Variants in DEFB110 observed in about 807,000 individuals in gnomAD.
The protein encoded by DEFB110 is defensin beta 110.
A neutral mutation model predicts 2.5 loss-of-function variants in DEFB110; 4 were observed. That is an observed-to-expected ratio of 1.60 (90% CI 0.79 to 3.66). The LOEUF is 3.66. Among genes scored for constraint, DEFB110 ranks in the 30% most tolerant of loss-of-function variants. DEFB110 has a pLI of 0.01. For synonymous variants in DEFB110, 29 were observed against 21.8 expected, an observed-to-expected ratio of 1.33 and a Z score of -0.92; for missense variants, 94 against 75.4, an observed-to-expected ratio of 1.25 and a Z score of -0.91.
downstream of DEFB110, among the ~76,000 whole-genome samples, chr6:50,017,850 A>T (rs1415752524): frequency 6.6e-6 from 1 of 151,882 alleles, no homozygotes; most frequent in Non-Finnish European, 1.5e-5. Context: ...AGCCCCTGGA[A>T]TTTTTTGATT....
At chr6:50,011,129 C>T (rs887181985) in intron 1 of DEFB110, among the ~76,000 whole-genome samples, 7 of 150,824 alleles carry the variant, frequency 4.6e-5, no homozygotes, top group Non-Finnish European at 7.4e-5. Flanking sequence ...AAATAACATC[C>T]CTTTGTATTG....
chr6:50,018,545 T>C (rs566585115), downstream of DEFB110, among the ~76,000 whole-genome samples: 53 of 152,060 alleles, frequency 3.5e-4, 1 homozygote, highest in African/African-American at 1.2e-3. Context: ...GCCCAGTGGA[T>C]TTATATATTT....
chr6:50,009,720 G>A lies in DEFB110; in HGVS notation c.56-449C>T, dbSNP rs182720684. Among the ~76,000 whole-genome samples the A allele has an allele frequency of 2.0e-4, 31 of 152,188 alleles. No individual in the cohort carries two copies. The East Asian group carries it at 5.4e-3, about 27-fold the overall frequency. Reference sequence around the variant, plus strand: ...ACAAATAGTAATCATAGAGAAACTAGAGAAGACTTCTAATGTACTAACTTC... The same window carrying A: ...ACAAATAGTAATCATAGAGAAACTAAAGAAGACTTCTAATGTACTAACTTC... On this transcript the variant is annotated intron_variant, in intron 1 of 1. Transcript: ENST00000393660.
Position 50,019,046 on chromosome 6 carries a change from C to T in DEFB110, c.135G>A (p.Gln45=). ...CAATCCTAATTTCATTTTCATGACA[C>T]TGATTTTTACATTGACCATTACCTA... ...CRIGNGQCKN[Q]CHENEIRIAY... is the part of the protein sequence containing the mutation. The change falls in exon 2 of 2, where the codon CAG becomes CAA. Residue 45 remains glutamine, a synonymous_variant. Transcript: ENST00000371148. The T allele has an allele frequency of 1.2e-6, 2 of 1,613,176 alleles. No homozygotes were observed. Among genetic ancestry groups the T allele is most frequent in the Non-Finnish European group, 1.7e-6 (2 of 1,179,422 alleles).
chr6:50,020,283 AG>A (rs1352012223), intron 1 of DEFB110, among the ~76,000 whole-genome samples: 1 of 152,080 alleles, frequency 6.6e-6, no homozygotes, highest in African/African-American at 2.4e-5. Flanking sequence ...GAATATATTT[AG>A]GGGGTTTGAG....
At chr6:50,021,857 TC>T in intron 1 of DEFB110, 23 bp downstream of exon 1, 1 of 1,551,954 alleles carries the variant, frequency 6.4e-7, no homozygotes, top group Non-Finnish European at 8.6e-7. Flanking sequence ...TTAGTATAAA[TC>T]CCCACAAATA....
chr6:50,009,161 A>G (rs1774183634), exon 2 of DEFB110: 2 of 1,610,736 alleles, frequency 1.2e-6, no homozygotes, highest in Non-Finnish European at 1.7e-6. Context: ...TGACTTCTCC[A>G]TTTAATGCAG....
At chr6:50,009,339 A>G in intron 1 of DEFB110, 2 of 1,490,816 alleles carry the variant, frequency 1.3e-6, no homozygotes, top group Middle Eastern at 2.3e-4. Flanking sequence ...TGCTAAAGAA[A>G]GACAAAAACT....
rs1161796677 is a variant in DEFB110, at chr6:50,018,891, C to A, written c.*86G>T. ...ATTTAGTTCTTGTGTATTATAGAGA[C>A]ACACACGCCTTGAAGGATGTGCTGG... On this transcript the variant is annotated 3_prime_UTR_variant, in exon 2 of 2. Coordinates refer to ENST00000371148, the MANE Select transcript of DEFB110 (RefSeq NM_001037497.2). 41 of 1,492,714 alleles carry A rather than the reference C, an allele frequency of 2.7e-5. No individual in the cohort carries two copies. In the East Asian group the frequency reaches 9.7e-4, roughly 35 times the overall value. 92.5% of individuals were successfully genotyped at this position (1,492,714 alleles called of 1,614,324 possible).
At chr6:50,020,246 C>G (rs1374887199) in intron 1 of DEFB110, among the ~76,000 whole-genome samples, 2 of 151,836 alleles carry the variant, frequency 1.3e-5, no homozygotes, top group African/African-American at 4.8e-5. Context: ...AAGATGGACT[C>G]TCACTAGAAG....
chr6:50,013,430 A>G (rs2113938402), intron 1 of DEFB110, among the ~76,000 whole-genome samples: 1 of 151,950 alleles, frequency 6.6e-6, no homozygotes, highest in African/African-American at 2.4e-5. Context: ...ATGGATGTGA[A>G]CTTTAGAAAA....
At chr6:50,021,184 T>G (rs1344774218) in intron 1 of DEFB110, among the ~76,000 whole-genome samples, 1 of 152,168 alleles carries the variant, frequency 6.6e-6, no homozygotes, top group Non-Finnish European at 1.5e-5. Context: ...GCATGGTGTC[T>G]CACTCTAAGC....
At chr6:50,017,782 T>C (rs1774342316), downstream of DEFB110, among the ~76,000 whole-genome samples, 1 of 151,916 alleles carries the variant, frequency 6.6e-6, no homozygotes, top group African/African-American at 2.4e-5. Context: ...CATATCTGCA[T>C]TTGAAGAATA....
At chr6:50,021,372 C>T (rs963933774) in intron 1 of DEFB110, among the ~76,000 whole-genome samples, 15 of 152,138 alleles carry the variant, frequency 9.9e-5, no homozygotes, top group African/African-American at 3.4e-4. Context: ...CAAATTCACT[C>T]CTCTCTGAGA....
intron 1 of DEFB110, among the ~76,000 whole-genome samples, chr6:50,012,940 G>A (rs1774250665): frequency 6.6e-6 from 1 of 151,782 alleles, no homozygotes; most frequent in African/African-American, 2.4e-5. Flanking sequence ...TAAGCAAAAT[G>A]TCCTTGCATC....
chr6:50,009,248 A>T (rs770946154), exon 2 of DEFB110: 2 of 1,601,816 alleles, frequency 1.2e-6, no homozygotes. Context: ...TCAAATCTAT[A>T]CTTTGGTTCA....
chr6:50,018,649 G>C (rs1265520971), downstream of DEFB110, among the ~76,000 whole-genome samples: 1 of 151,908 alleles, frequency 6.6e-6, no homozygotes, highest in African/African-American at 2.4e-5. Flanking sequence ...CCAATTCTTT[G>C]ACCTAGGGTT....
chr6:50,016,724 G>GA (rs35381630), downstream of DEFB110, among the ~76,000 whole-genome samples: 178 of 148,074 alleles, frequency 1.2e-3, no homozygotes, highest in Middle Eastern at 3.4e-3. Context: ...ATTTCCTCAG[G>GA]AAAAAAAAAA....
chr6:50,013,806 T>C (rs564650442), intron 1 of DEFB110, among the ~76,000 whole-genome samples: 29 of 151,952 alleles, frequency 1.9e-4, no homozygotes, highest in African/African-American at 6.7e-4. Context: ...ACTGCGTGAC[T>C]GATTACGAAA....
Sources: gnomAD v4.1 joint callset for allele counts (sites outside exome capture counted in the v4.1 genomes callset) on GRCh38, gnomAD v4.1.1 for gene constraint, MANE v1.5 for transcripts, NCBI Gene and HGNC (gene_info 2026-07-23, HGNC 2026-07-21) for gene names.